Variants in CFAP61 observed in about 807,000 individuals in gnomAD.
The protein encoded by CFAP61 is cilia- and flagella-associated protein 61.
A neutral mutation model predicts 135.6 loss-of-function variants in CFAP61; 107 were observed. The observed-to-expected ratio is 0.79, with a 90% CI of 0.67 to 0.93. CFAP61 has a LOEUF of 0.93. Among genes scored for constraint, CFAP61 ranks in the 40% least tolerant of loss-of-function variants. CFAP61 has a pLI of 0.00. For synonymous variants in CFAP61, 575 were observed against 578.5 expected (o/e 0.99, Z 0.09); for missense variants, 1,507 against 1,556.2 (o/e 0.97, Z 0.53).
intron 26 of CFAP61, among the ~76,000 whole-genome samples, chr20:20,352,733 T>C (rs1275128623): frequency 6.6e-6 from 1 of 152,158 alleles, no homozygotes; most frequent in South Asian, 2.1e-4. Flanking sequence ...ACTGTAAAAC[T>C]TCTAGAAGAG....
At chr20:20,172,475 C>G (rs2054296744) in intron 13 of CFAP61, 1 of 160,036 alleles carries the variant, frequency 6.2e-6, no homozygotes, top group Non-Finnish European at 1.3e-5. Context: ...TGCCACAACA[C>G]CTGGCTAATT....
intron 22 of CFAP61, among the ~76,000 whole-genome samples, chr20:20,287,009 T>C (rs1215263039): frequency 6.6e-6 from 1 of 152,186 alleles, no homozygotes; most frequent in Non-Finnish European, 1.5e-5. Context: ...TATTTATAAT[T>C]TAAATTCAAA....
Position 20,298,300 on chromosome 20 carries a change from C to CT in CFAP61, c.3337dup (p.Tyr1113LeufsTer21). 1 of 1,614,194 alleles carries CT rather than the reference C, an allele frequency of 6.2e-7. No individual in the cohort carries two copies. Among genetic ancestry groups the CT allele is most frequent in the Non-Finnish European group, 8.5e-7 (1 of 1,180,030 alleles). On this transcript the variant is annotated frameshift_variant, in exon 25 of 27. Transcript: ENST00000245957. LOFTEE classifies it high-confidence loss of function. The stretch of plus-strand genomic sequence containing the variant: ...CTAGGGAGCCCTTCCCCGCCTCCAA[C>CT]TACATCCGCTTGTTTGGCCAGCACG...
At chr20:20,150,856 G>T (rs1600986334) in intron 9 of CFAP61, among the ~76,000 whole-genome samples, 1 of 152,186 alleles carries the variant, frequency 6.6e-6, no homozygotes, top group South Asian at 2.1e-4. Flanking sequence ...GGGGAAGAGG[G>T]AAGGCACCAC....
intron 26 of CFAP61, among the ~76,000 whole-genome samples, chr20:20,356,180 G>A (rs1224995093): frequency 1.2e-4 from 15 of 124,378 alleles, no homozygotes; most frequent in African/African-American, 4.0e-4. Flanking sequence ...CACTGAGGGG[G>A]GGTGGTCACA....
chr20:20,184,925 C>T (rs1163325933), intron 13 of CFAP61, among the ~76,000 whole-genome samples: 3 of 152,116 alleles, frequency 2.0e-5, no homozygotes, highest in African/African-American at 7.2e-5. Flanking sequence ...TGCAGCAGAG[C>T]AGGGAAACCA....
At chr20:20,356,486 A>C (rs2059174890) in intron 26 of CFAP61, among the ~76,000 whole-genome samples, 1 of 142,246 alleles carries the variant, frequency 7.0e-6, no homozygotes, top group South Asian at 2.2e-4. Flanking sequence ...GGAGGTGGTC[A>C]CAGTGTGAGG....
chr20:20,178,673 G>A (rs1177338560), intron 13 of CFAP61, among the ~76,000 whole-genome samples: 4 of 26,052 alleles, frequency 1.5e-4, no homozygotes, highest in Non-Finnish European at 5.1e-4. Context: ...TCCTTTAATC[G>A]ATTCTCCCCC....
intron 19 of CFAP61, 120 bp downstream of exon 19, chr20:20,246,335 T>G: frequency 1.4e-6 from 1 of 731,960 alleles, no homozygotes; most frequent in Non-Finnish European, 2.4e-6. Flanking sequence ...GCTTTTCTAC[T>G]GGAGTTCAGA....
intron 17 of CFAP61, among the ~76,000 whole-genome samples, chr20:20,225,805 C>T (rs970510316): frequency 2.6e-5 from 4 of 152,300 alleles, no homozygotes; most frequent in African/African-American, 7.2e-5. Flanking sequence ...TTGCTCTAGA[C>T]CACCCAACCT....
At chr20:20,289,892 C>A (rs1428615065) in intron 23 of CFAP61, among the ~76,000 whole-genome samples, 1 of 152,168 alleles carries the variant, frequency 6.6e-6, no homozygotes, top group Non-Finnish European at 1.5e-5. Context: ...TGTTGATAGT[C>A]CTAATTAAAT....
At chr20:20,122,330 A>AT (rs1247052464) in intron 8 of CFAP61, among the ~76,000 whole-genome samples, 1 of 151,886 alleles carries the variant, frequency 6.6e-6, no homozygotes, top group East Asian at 1.9e-4. Context: ...TAATTTTTGT[A>AT]TTTTTTAGCA....
At chr20:20,298,655 G>GGAGAT (rs1601884955) in intron 25 of CFAP61, among the ~76,000 whole-genome samples, 2 of 152,218 alleles carry the variant, frequency 1.3e-5, no homozygotes, top group East Asian at 1.9e-4. Context: ...CGGGCTTGGA[G>GGAGAT]GAGATGATAT....
At chr20:20,254,525 G>GA (rs1028098131) in intron 20 of CFAP61, among the ~76,000 whole-genome samples, 6 of 151,520 alleles carry the variant, frequency 4.0e-5, no homozygotes, top group African/African-American at 9.7e-5. Context: ...TTTTACAACG[G>GA]AAAAAAAATG....
At chr20:20,195,168 G>C (rs1311766526) in intron 15 of CFAP61, among the ~76,000 whole-genome samples, 2 of 152,164 alleles carry the variant, frequency 1.3e-5, no homozygotes, top group Non-Finnish European at 2.9e-5. Flanking sequence ...CCTGAGCTCT[G>C]TTTCCTCTGT....
chr20:20,213,179 G>A lies in CFAP61; in HGVS notation c.1932+13277G>A, dbSNP rs116480072. Reference sequence around the variant, plus strand: ...TGTGAGCCCCTCCTCTGAAAGACACGCCTCCACACACACTCAGCCCGTGCA... The same window carrying A: ...TGTGAGCCCCTCCTCTGAAAGACACACCTCCACACACACTCAGCCCGTGCA... On this transcript the variant is annotated intron_variant, in intron 17 of 26. Transcript: ENST00000245957. 8.7e-3 allele frequency among the ~76,000 whole-genome samples: 1,328 copies of A among 152,250 alleles called. 21 individuals carry two copies. The highest frequency in any genetic ancestry group is 0.031 in the African/African-American group (1,270 of 41,556).
At chr20:20,231,573 G>C (rs1444750894) in intron 18 of CFAP61, among the ~76,000 whole-genome samples, 1 of 152,174 alleles carries the variant, frequency 6.6e-6, no homozygotes, top group Non-Finnish European at 1.5e-5. Flanking sequence ...CATCCAGGGT[G>C]GGGTGGGCTC....
chr20:20,251,902 C>G, intron 20 of CFAP61, 139 bp downstream of exon 20: 2 of 890,296 alleles, frequency 2.2e-6, no homozygotes, highest in Non-Finnish European at 3.4e-6. Flanking sequence ...TTCATAAAAG[C>G]ACCCTTCAGG....
chr20:20,138,555 C>T (rs1293714023), intron 8 of CFAP61, among the ~76,000 whole-genome samples: 1 of 152,052 alleles, frequency 6.6e-6, no homozygotes, highest in Non-Finnish European at 1.5e-5. Flanking sequence ...ATTTTCCACG[C>T]CACGTGGCTA....
Sources: allele counts gnomAD v4.1 joint callset (sites outside exome capture counted in the v4.1 genomes callset), GRCh38; gene constraint gnomAD v4.1.1; transcripts MANE v1.5; gene names NCBI Gene and HGNC (gene_info 2026-07-23, HGNC 2026-07-21).